Variants in MYOCD observed in about 807,000 individuals in gnomAD.
The protein encoded by MYOCD is myocardin.
MYOCD carries 32 observed loss-of-function variants against 96.1 expected under a neutral mutation model. The ratio of observed to expected loss-of-function variants is 0.33; its 90% confidence interval spans 0.25 to 0.45. MYOCD has a LOEUF of 0.45. MYOCD is among the 20% of genes least tolerant of loss of function. MYOCD has a pLI of 1.00. For missense variants in MYOCD, 1,133 were observed against 1,200.6 expected (o/e 0.94, Z 0.83); for synonymous variants, 469 against 469.0 (o/e 1.00, Z 0.00).
At position 12,691,376 on chromosome 17, in the gene MYOCD, G is replaced by A. The variant is rs144251264; in HGVS notation, c.56-13752G>A. Among the ~76,000 whole-genome samples the A allele has an allele frequency of 7.9e-5, 12 of 152,286 alleles. No homozygotes were observed. In the East Asian group the frequency reaches 1.9e-3, roughly 25 times the overall value. On this transcript the variant is annotated intron_variant, in intron 1 of 13. Coordinates refer to ENST00000425538, the MANE Select transcript of MYOCD (RefSeq NM_001146312.3). The stretch of plus-strand genomic sequence containing the variant: ...TACTTGTCATCAAAACCATGGCAAC[G>A]TCTCCATGTGATGCCATCAGAGTCT...
intron 1 of MYOCD, among the ~76,000 whole-genome samples, chr17:12,692,961 G>A (rs1429729797): frequency 1.3e-5 from 2 of 152,106 alleles, no homozygotes; most frequent in African/African-American, 2.4e-5. Flanking sequence ...CTCTCTGGTC[G>A]CAGCTCCCGT....
chr17:12,704,208 A>G (rs540382608), intron 1 of MYOCD, among the ~76,000 whole-genome samples: 1 of 152,246 alleles, frequency 6.6e-6, no homozygotes. Flanking sequence ...ATCCAAGTGG[A>G]TTCAAGCTTT....
At chr17:12,683,868 T>C (rs974325501) in intron 1 of MYOCD, among the ~76,000 whole-genome samples, 10 of 152,198 alleles carry the variant, frequency 6.6e-5, no homozygotes, top group Non-Finnish European at 1.2e-4. Context: ...GGACGTACAG[T>C]AGGTGATCAG....
chr17:12,753,122 G>C lies in MYOCD; in HGVS notation c.1834G>C (p.Ala612Pro). The part of the protein sequence containing the change: ...EAAQLQPLGN[A>P]HCVESSDQTN... The stretch of plus-strand genomic sequence containing the variant: ...TGCTCAACTCCAGCCTCTTGGAAAT[G>C]CTCATTGTGTGGAGTCCTCAGATCA... The change falls in exon 10 of 14, where the codon GCT becomes CCT. Residue 612 changes from alanine to proline, a missense_variant. Coordinates refer to ENST00000425538, the MANE Select transcript of MYOCD (RefSeq NM_001146312.3). 1 of 1,614,190 alleles carries C rather than the reference G, an allele frequency of 6.2e-7. No homozygotes were observed. The highest frequency in any genetic ancestry group is 8.5e-7 in the Non-Finnish European group (1 of 1,180,030).
At chr17:12,693,507 G>A (rs1257148013) in intron 1 of MYOCD, among the ~76,000 whole-genome samples, 1 of 151,954 alleles carries the variant, frequency 6.6e-6, no homozygotes, top group East Asian at 1.9e-4. Flanking sequence ...CTACTCAGGA[G>A]GCTGAGGCAG....
intron 1 of MYOCD, among the ~76,000 whole-genome samples, chr17:12,693,615 AAATAAAATAG>A (rs1277904743): frequency 1.4e-5 from 2 of 139,284 alleles, no homozygotes; most frequent in African/African-American, 2.7e-5. Context: ...GTCTCAAAAA[AAATAAAATAG>A]AATAAAATAA....
intron 8 of MYOCD, among the ~76,000 whole-genome samples, chr17:12,745,330 C>T (rs868769023): frequency 3.9e-5 from 6 of 152,156 alleles, no homozygotes; most frequent in Admixed American, 1.3e-4. Context: ...CTGCCTCAGC[C>T]TCCCTAGTAG....
intron 5 of MYOCD, 136 bp from the exon 6 acceptor site, chr17:12,736,025 C>T (rs1035067492): frequency 2.7e-6 from 2 of 754,422 alleles, no homozygotes; most frequent in African/African-American, 1.7e-5. Context: ...AGTATAGCTT[C>T]ACTCTTACCT....
intron 2 of MYOCD, 27 bp from the exon 3 acceptor site, chr17:12,715,492 A>G (rs373959051): frequency 1.2e-6 from 2 of 1,608,796 alleles, no homozygotes; most frequent in African/African-American, 1.3e-5. Flanking sequence ...CCCAGCCTCC[A>G]CTCACGTTTT....
intron 5 of MYOCD, among the ~76,000 whole-genome samples, chr17:12,726,979 T>C (rs2032018535): frequency 1.3e-5 from 2 of 152,196 alleles, no homozygotes; most frequent in African/African-American, 4.8e-5. Context: ...ACTCCCCTCC[T>C]GAATTTTAAA....
intron 1 of MYOCD, among the ~76,000 whole-genome samples, chr17:12,666,624 TTG>T (rs1909391529): frequency 6.6e-6 from 1 of 152,194 alleles, no homozygotes; most frequent in African/African-American, 2.4e-5. Context: ...GAACCTGATG[TTG>T]TGTGTTAGGT....
chr17:12,728,295 G>A (rs1001993525), intron 5 of MYOCD, among the ~76,000 whole-genome samples: 2 of 152,200 alleles, frequency 1.3e-5, no homozygotes, highest in African/African-American at 2.4e-5. Flanking sequence ...TAGCTCCCAC[G>A]AAAGTCGTAT....
intron 5 of MYOCD, among the ~76,000 whole-genome samples, chr17:12,735,779 G>A (rs1198064673): frequency 2.6e-5 from 4 of 152,136 alleles, no homozygotes; most frequent in Non-Finnish European, 5.9e-5. Flanking sequence ...CGTAAAACCC[G>A]AGGGACACGG....
intron 7 of MYOCD, among the ~76,000 whole-genome samples, 158 bp from the exon 8 acceptor site, chr17:12,744,025 G>A (rs1216043735): frequency 6.6e-6 from 1 of 152,178 alleles, no homozygotes; most frequent in Non-Finnish European, 1.5e-5. Flanking sequence ...AGCAACGTTA[G>A]TGTCCTAGGA....
At chr17:12,670,066 C>G (rs183303536) in intron 1 of MYOCD, among the ~76,000 whole-genome samples, 1 of 152,234 alleles carries the variant, frequency 6.6e-6, no homozygotes, top group African/African-American at 2.4e-5. Flanking sequence ...AACATGGGAG[C>G]TTCACCTCTG....
At chr17:12,748,055 G>T (rs1295130123) in intron 9 of MYOCD, among the ~76,000 whole-genome samples, 1 of 151,122 alleles carries the variant, frequency 6.6e-6, no homozygotes, top group African/African-American at 2.4e-5. Flanking sequence ...CCAGCTACTC[G>T]GGAGGCTGAG....
intron 1 of MYOCD, among the ~76,000 whole-genome samples, chr17:12,687,184 G>T (rs182738596): frequency 6.6e-6 from 1 of 151,996 alleles, no homozygotes; most frequent in East Asian, 1.9e-4. Context: ...TTCCGTGTAA[G>T]ATTTTTAGCT....
chr17:12,721,322 C>T (rs1285012993), intron 4 of MYOCD, among the ~76,000 whole-genome samples: 2 of 152,088 alleles, frequency 1.3e-5, no homozygotes, highest in African/African-American at 4.8e-5. Context: ...AAAAGATCTG[C>T]TAGATACAAA....
chr17:12,727,279 A>G (rs1048407794), intron 5 of MYOCD, among the ~76,000 whole-genome samples: 12 of 152,206 alleles, frequency 7.9e-5, no homozygotes, highest in Non-Finnish European at 1.6e-4. Context: ...CCTGTTACTC[A>G]TCTACGCATC....
Sources: gnomAD v4.1 joint callset for allele counts (sites outside exome capture counted in the v4.1 genomes callset) on GRCh38, gnomAD v4.1.1 for gene constraint, MANE v1.5 for transcripts, NCBI Gene and HGNC (gene_info 2026-07-23, HGNC 2026-07-21) for gene names.